DTD1: variants seen among roughly 807,000 people sequenced by gnomAD.
DTD1 encodes the protein D-aminoacyl-tRNA deacylase 1.
Under a neutral mutation model 25.6 loss-of-function variants are expected in DTD1, and 13 were observed. The ratio of observed to expected loss-of-function variants is 0.51; its 90% CI spans 0.33 to 0.81. The LOEUF (loss-of-function observed/expected upper bound fraction) is 0.81, where lower values mean the gene tolerates loss of function less well. Among genes scored for constraint, DTD1 ranks in the 30% least tolerant of loss-of-function variants. The pLI is 0.02. For missense variants in DTD1, 193 were observed against 266.4 expected (o/e 0.72, Z 1.92); for synonymous variants, 110 against 103.6 (o/e 1.06, Z -0.37).
rs563741546 is a variant in DTD1 at position 18,728,012 on chromosome 20, G to A, written c.478-16088G>A. ...CAGGGAGCTTAGGTGAGAAGGGGCT[G>A]AAGGAAAGGTAGCAGTGGCAGGAAC... On this transcript the variant is annotated intron_variant, in intron 4 of 5. Transcript: ENST00000377452. Among the ~76,000 whole-genome samples, 5 of 152,336 alleles carry A rather than the reference G, an allele frequency of 3.3e-5. No individual in the cohort carries two copies. The South Asian group carries it at 1.0e-3, about 32-fold the overall frequency.
chr20:18,729,221 T>A (rs1464750723), intron 4 of DTD1, among the ~76,000 whole-genome samples: 1 of 152,246 alleles, frequency 6.6e-6, no homozygotes, highest in East Asian at 1.9e-4. Context: ...CAGGCTGGTC[T>A]TGAACTCCTG....
chr20:18,729,084 G>A (rs2061231819), intron 4 of DTD1, among the ~76,000 whole-genome samples: 1 of 152,174 alleles, frequency 6.6e-6, no homozygotes, highest in Non-Finnish European at 1.5e-5. Context: ...GCTCACTGCA[G>A]CCTTGACCTC....
intron 4 of DTD1, among the ~76,000 whole-genome samples, chr20:18,686,654 G>A (rs2061017869): frequency 6.6e-6 from 1 of 151,616 alleles, no homozygotes; most frequent in African/African-American, 2.4e-5. Flanking sequence ...AGCTGTGTGT[G>A]TGTGTGTGTG....
At chr20:18,740,253 A>ATGT (rs11473681) in intron 4 of DTD1, among the ~76,000 whole-genome samples, 1 of 151,654 alleles carries the variant, frequency 6.6e-6, no homozygotes, top group Non-Finnish European at 1.5e-5. Flanking sequence ...GCATGAGATT[A>ATGT]CTTAGCAAGG....
At chr20:18,626,645 T>G (rs2060760031) in intron 3 of DTD1, among the ~76,000 whole-genome samples, 1 of 152,178 alleles carries the variant, frequency 6.6e-6, no homozygotes. Flanking sequence ...TTTGGGCGCT[T>G]TACCCTTTGA....
intron 3 of DTD1, among the ~76,000 whole-genome samples, chr20:18,600,541 C>T (rs938878656): frequency 5.3e-5 from 8 of 152,108 alleles, no homozygotes; most frequent in African/African-American, 1.2e-4. Flanking sequence ...AGTGTCAGCC[C>T]GTTAACTTTG....
chr20:18,672,989 C>T (rs745954195), intron 4 of DTD1, among the ~76,000 whole-genome samples: 19 of 152,198 alleles, frequency 1.2e-4, no homozygotes, highest in Non-Finnish European at 2.6e-4. Flanking sequence ...TCATTCTATG[C>T]ATGGCGATAC....
At chr20:18,685,537 C>T (rs1170169959) in intron 4 of DTD1, among the ~76,000 whole-genome samples, 2 of 152,128 alleles carry the variant, frequency 1.3e-5, no homozygotes, top group Non-Finnish European at 2.9e-5. Context: ...TGACTGAGCC[C>T]TGCGCCTCGC....
intron 3 of DTD1, among the ~76,000 whole-genome samples, chr20:18,623,603 C>G (rs1031689465): frequency 3.3e-5 from 5 of 152,168 alleles, no homozygotes; most frequent in African/African-American, 1.2e-4. Context: ...TTTGCCTCAC[C>G]TGGGACATGC....
At chr20:18,706,644 AG>A (rs1402911750) in intron 4 of DTD1, among the ~76,000 whole-genome samples, 1 of 152,210 alleles carries the variant, frequency 6.6e-6, no homozygotes, top group Non-Finnish European at 1.5e-5. Context: ...GTTGCCTCTG[AG>A]GAGCTGGATT....
chr20:18,708,319 ATTATATATATATATT>A (rs2061143019), intron 4 of DTD1, among the ~76,000 whole-genome samples: 5 of 42,434 alleles, frequency 1.2e-4, no homozygotes, highest in Non-Finnish European at 2.0e-4. Context: ...TTATATATAT[ATTATATATATATATT>A]TTATATATAT....
intron 4 of DTD1, among the ~76,000 whole-genome samples, chr20:18,725,270 C>T (rs892520250): frequency 1.3e-5 from 2 of 152,134 alleles, no homozygotes; most frequent in South Asian, 4.1e-4. Context: ...CGTGGTGTTG[C>T]CATGGCAGTA....
intron 4 of DTD1, among the ~76,000 whole-genome samples, chr20:18,732,951 A>G (rs1423088846): frequency 1.3e-5 from 2 of 152,212 alleles, no homozygotes; most frequent in African/African-American, 2.4e-5. Context: ...TGAGTTACAC[A>G]TAACGAATTC....
rs550649441 is a variant in DTD1, at chr20:18,707,447, T to C, written c.478-36653T>C. Among the ~76,000 whole-genome samples the C allele has an allele frequency of 2.6e-5, 4 of 152,314 alleles. No individual in the cohort carries two copies. In the South Asian group the frequency reaches 6.2e-4, roughly 24 times the overall value. ...CTGCGTGCTCACTCATATATGCACCTGGTCTTACCCAATATACCAAACTGT... is the reference window on the plus strand; with the variant it reads ...CTGCGTGCTCACTCATATATGCACCCGGTCTTACCCAATATACCAAACTGT... On this transcript the variant is annotated intron_variant, in intron 4 of 5. Coordinates refer to ENST00000377452, the MANE Select transcript of DTD1 (RefSeq NM_080820.6).
chr20:18,713,819 C>G (rs1262368061), intron 4 of DTD1, among the ~76,000 whole-genome samples: 1 of 152,228 alleles, frequency 6.6e-6, no homozygotes, highest in Admixed American at 6.5e-5. Flanking sequence ...GTTCTCTCCT[C>G]AAGGGCAGGT....
At chr20:18,649,776 C>T (rs1189617219) in intron 4 of DTD1, among the ~76,000 whole-genome samples, 1 of 152,116 alleles carries the variant, frequency 6.6e-6, no homozygotes, top group Non-Finnish European at 1.5e-5. Context: ...GTGGGCCCAC[C>T]CAGCGCGGTG....
chr20:18,732,493 T>TG (rs973018934), intron 4 of DTD1, among the ~76,000 whole-genome samples: 13 of 152,268 alleles, frequency 8.5e-5, no homozygotes, highest in African/African-American at 3.1e-4. Context: ...CAGGAGTACA[T>TG]GGGGGGCATG....
rs1270127948 is a variant in DTD1 at position 18,593,795 on chromosome 20, G to C, written c.108G>C (p.Glu36Asp). The C allele has an allele frequency of 8.7e-6, 14 of 1,613,858 alleles. No individual in the cohort carries two copies. The highest frequency in any genetic ancestry group is 1.1e-5 in the South Asian group (1 of 91,062). ...GTGTGTTGCTGGGTATTTCCCTGGA[G>C]GATACGCAGAAGGAACTGGAACACA... is the stretch of plus-strand genomic sequence containing the variant. ...GICVLLGISL[E>D]DTQKELEHMV... Residue 36 changes from glutamate to aspartate, a missense_variant, in exon 2 of 6, where the codon GAG (glutamate) becomes GAC (aspartate). By Grantham distance (45) the Glu-to-Asp change is conservative. Coordinates refer to ENST00000377452, the MANE Select transcript of DTD1 (RefSeq NM_080820.6).
intron 4 of DTD1, among the ~76,000 whole-genome samples, chr20:18,678,268 G>A (rs2060983737): frequency 6.6e-6 from 1 of 152,232 alleles, no homozygotes; most frequent in Admixed American, 6.5e-5. Context: ...CTGTCTGCAG[G>A]TGCACCAGCT....
Sources: gnomAD v4.1 joint callset for allele counts (sites outside exome capture counted in the v4.1 genomes callset) on GRCh38, gnomAD v4.1.1 for gene constraint, MANE v1.5 for transcripts, NCBI Gene and HGNC (gene_info 2026-07-23, HGNC 2026-07-21) for gene names.